AGBL1: variants seen among roughly 807,000 people sequenced by gnomAD.
AGBL1 encodes the protein AGBL carboxypeptidase 1, also known as cytosolic carboxypeptidase 4.
Under a neutral mutation model 118.9 loss-of-function variants are expected in AGBL1, and 130 were observed. The observed-to-expected ratio is 1.09, with a 90% CI of 0.95 to 1.26. The LOEUF is 1.26. AGBL1 is among the 50% of genes most tolerant of loss of function. AGBL1 has a pLI of 0.00. For synonymous variants in AGBL1, 555 were observed against 478.9 expected (o/e 1.16, Z -2.08); for missense variants, 1,584 against 1,298.1 (o/e 1.22, Z -3.38).
In AGBL1 at chr15:86,488,069, C is replaced by T. The variant is rs112304343; in HGVS notation, c.2556-34741C>T. ...TTCTACTCAGCCCCAAATTTGGTTT[C>T]CAGTCATATTGGCCCACAGTTTTAG... On this transcript the variant is annotated intron_variant, in intron 18 of 22. Transcript: ENST00000614907. 7.4e-3 allele frequency among the ~76,000 whole-genome samples: 1,119 copies of T among 152,124 alleles called. 7 individuals are homozygous for T. Among genetic ancestry groups the T allele is most frequent in the Non-Finnish European group, 0.011 (776 of 67,972 alleles).
At chr15:86,705,536 G>T (rs1228475416) in intron 22 of AGBL1, among the ~76,000 whole-genome samples, 1 of 152,158 alleles carries the variant, frequency 6.6e-6, no homozygotes, top group Non-Finnish European at 1.5e-5. Context: ...TTACTGGAAA[G>T]TATGTTTATC....
intron 21 of AGBL1, among the ~76,000 whole-genome samples, chr15:86,636,948 G>A (rs960558722): frequency 1.3e-5 from 2 of 151,454 alleles, no homozygotes; most frequent in South Asian, 4.2e-4. Context: ...TATAAGAACA[G>A]ATCTCATCTT....
chr15:86,920,279 G>A (rs1014370077), downstream of AGBL1, among the ~76,000 whole-genome samples: 36 of 152,256 alleles, frequency 2.4e-4, 1 homozygote, highest in Non-Finnish European at 1.9e-4. Flanking sequence ...CCTACAGTCC[G>A]CCTCCATTCC....
chr15:86,789,528 G>A (rs763043454), intron 22 of AGBL1, among the ~76,000 whole-genome samples: 1 of 152,138 alleles, frequency 6.6e-6, no homozygotes, highest in Non-Finnish European at 1.5e-5. Context: ...CCACCCTCTT[G>A]GAAAGCTAAG....
At chr15:87,023,646 A>G (rs150682539) in intron 24 of AGBL1, among the ~76,000 whole-genome samples, 1 of 152,046 alleles carries the variant, frequency 6.6e-6, no homozygotes, top group African/African-American at 2.4e-5. Flanking sequence ...TAACAGATAT[A>G]TACAGAACAT....
chr15:86,546,590 T>C (rs2142254161), intron 20 of AGBL1, among the ~76,000 whole-genome samples: 1 of 152,274 alleles, frequency 6.6e-6, no homozygotes, highest in Admixed American at 6.5e-5. Context: ...GGACTTCAAA[T>C]AAATAGGAAG....
chr15:86,549,902 GAGGA>G lies in AGBL1; in HGVS notation c.2817+3790_2817+3793del, dbSNP rs1180465731. 1.7e-3 allele frequency among the ~76,000 whole-genome samples: 224 copies of G among 132,712 alleles called. 1 individual carries two copies. The highest frequency in any genetic ancestry group is 3.3e-3 in the African/African-American group (120 of 36,864). 87.1% of individuals were successfully genotyped at this position (132,712 alleles called of 152,430 possible). A position where few individuals can be genotyped will look rare whatever the true frequency, so the allele number is the denominator to read the frequency against. ...AGGGGAGTGGAGGGAGGGAGGGAGG[GAGGA>G]AGGAAGGAAGGAAGGAAGGAGATAG... On this transcript the variant is annotated intron_variant, in intron 20 of 22. Transcript: ENST00000614907.
intron 17 of AGBL1, among the ~76,000 whole-genome samples, chr15:86,345,987 C>A (rs2080530611): frequency 6.9e-6 from 1 of 145,544 alleles, no homozygotes; most frequent in African/African-American, 2.5e-5. Context: ...ACAGCTCTTC[C>A]TTTTTTTTTT....
At chr15:86,124,630 A>G (rs1410611188) in intron 1 of AGBL1, among the ~76,000 whole-genome samples, 1 of 152,128 alleles carries the variant, frequency 6.6e-6, no homozygotes, top group East Asian at 1.9e-4. Context: ...TCTGATACTG[A>G]CCCATCAGGT....
chr15:86,566,786 A>G (rs915708460), intron 21 of AGBL1, among the ~76,000 whole-genome samples: 1 of 152,200 alleles, frequency 6.6e-6, no homozygotes, highest in Non-Finnish European at 1.5e-5. Context: ...ATACACAAAC[A>G]TGTATCCATA....
intron 17 of AGBL1, among the ~76,000 whole-genome samples, chr15:86,305,284 T>C (rs1469458093): frequency 6.6e-6 from 1 of 152,184 alleles, no homozygotes; most frequent in African/African-American, 2.4e-5. Context: ...TTATTGTTCA[T>C]GGATATTTAC....
intron 18 of AGBL1, among the ~76,000 whole-genome samples, chr15:86,516,196 C>T (rs187981205): frequency 1.4e-3 from 211 of 152,218 alleles, no homozygotes; most frequent in African/African-American, 4.6e-3. Flanking sequence ...CTCAGGTGAA[C>T]GGAGGGTTGG....
intron 6 of AGBL1, among the ~76,000 whole-genome samples, chr15:86,234,483 G>A (rs574407992): frequency 4.6e-5 from 7 of 151,272 alleles, no homozygotes; most frequent in South Asian, 4.2e-4. Flanking sequence ...CTCTGGAGGC[G>A]GAGGTTGCAG....
At chr15:87,009,348 C>G (rs2081535473) in intron 24 of AGBL1, among the ~76,000 whole-genome samples, 1 of 152,172 alleles carries the variant, frequency 6.6e-6, no homozygotes, top group Non-Finnish European at 1.5e-5. Context: ...TGGTGTTGAG[C>G]CTGTGAGTAC....
At chr15:86,201,248 G>A (rs554529269) in intron 5 of AGBL1, among the ~76,000 whole-genome samples, 1 of 152,266 alleles carries the variant, frequency 6.6e-6, no homozygotes, top group Non-Finnish European at 1.5e-5. Context: ...AAGATAATGG[G>A]AAGTTCTATG....
At chr15:86,880,143 C>G (rs981824462) in intron 22 of AGBL1, among the ~76,000 whole-genome samples, 1 of 152,196 alleles carries the variant, frequency 6.6e-6, no homozygotes, top group Non-Finnish European at 1.5e-5. Context: ...TTTTCACTAT[C>G]ATCAGACAAT....
intron 7 of AGBL1, among the ~76,000 whole-genome samples, chr15:86,251,550 C>A (rs147771952): frequency 2.0e-4 from 30 of 152,252 alleles, no homozygotes; most frequent in Non-Finnish European, 3.7e-4. Context: ...TGTAAAGGAA[C>A]TTTTTTTAAG....
intron 23 of AGBL1, among the ~76,000 whole-genome samples, chr15:86,979,655 A>AT (rs35587293): frequency 0.17 from 26,378 of 151,676 alleles, 2,315 homozygotes; most frequent in Non-Finnish European, 0.18. Flanking sequence ...CGCCCGGCTA[A>AT]TTTTTTGTTT....
chr15:86,218,160 C>A (rs763179926), intron 5 of AGBL1, among the ~76,000 whole-genome samples: 9 of 152,122 alleles, frequency 5.9e-5, no homozygotes, highest in Non-Finnish European at 1.3e-4. Context: ...AAGTACCAGA[C>A]CCTCACATGC....
Sources: gnomAD v4.1 joint callset for allele counts (sites outside exome capture counted in the v4.1 genomes callset) on GRCh38, gnomAD v4.1.1 for gene constraint, MANE v1.5 for transcripts, NCBI Gene and HGNC (gene_info 2026-07-23, HGNC 2026-07-21) for gene names.